Variants in NCOA2 observed in about 807,000 individuals in gnomAD.
NCOA2 encodes nuclear receptor coactivator 2, also known as class E basic helix-loop-helix protein 75.
Under a neutral mutation model 145.1 loss-of-function variants are expected in NCOA2, and 21 were observed. That is an observed-to-expected ratio of 0.14 (90% CI 0.10 to 0.21). NCOA2 has a LOEUF of 0.21. Among genes scored for constraint, NCOA2 ranks in the 10% least tolerant of loss-of-function variants. NCOA2 has a pLI of 1.00. For missense variants in NCOA2, 1,472 were observed against 1,837.6 expected (o/e 0.80, Z 3.64); for synonymous variants, 619 against 637.5 (o/e 0.97, Z 0.44).
intron 1 of NCOA2, among the ~76,000 whole-genome samples, chr8:70,316,651 T>C (rs6982928): frequency 0.027 from 4,053 of 152,132 alleles, 168 homozygotes; most frequent in African/African-American, 0.092. Context: ...AGGTAGGAGA[T>C]AGATCCCAAA....
chr8:70,166,905 G>A (rs1031198932), intron 6 of NCOA2, among the ~76,000 whole-genome samples, 151 bp from the exon 7 acceptor site: 2 of 152,026 alleles, frequency 1.3e-5, no homozygotes, highest in Non-Finnish European at 2.9e-5. Flanking sequence ...ATCTAGAGGA[G>A]GAAAAATCTT....
chr8:70,347,301 G>A (rs55794475), intron 1 of NCOA2, among the ~76,000 whole-genome samples: 4,007 of 151,752 alleles, frequency 0.026, 168 homozygotes, highest in African/African-American at 0.092. Flanking sequence ...CCGGGCCAAC[G>A]TGGTGAAACC....
At chr8:70,445,844 G>A in the NCOA2 span, among the ~76,000 whole-genome samples, 186 of 152,280 alleles carry the variant, frequency 1.2e-3, no homozygotes, top group Middle Eastern at 0.014. Context: ...TCCATGAATA[G>A]CGCAGAATAA....
At chr8:70,182,156 A>G (rs1005362145) in intron 4 of NCOA2, among the ~76,000 whole-genome samples, 1 of 152,208 alleles carries the variant, frequency 6.6e-6, no homozygotes, top group South Asian at 2.1e-4. Context: ...ACTATATATC[A>G]TCAAGCTGCT....
At chr8:70,238,151 C>T (rs1011335025) in intron 2 of NCOA2, among the ~76,000 whole-genome samples, 5 of 151,494 alleles carry the variant, frequency 3.3e-5, no homozygotes, top group East Asian at 3.9e-4. Flanking sequence ...CATGTGCACA[C>T]GCGCGCGCGC....
intron 1 of NCOA2, among the ~76,000 whole-genome samples, chr8:70,371,884 C>T (rs1301684112): frequency 6.6e-6 from 1 of 152,112 alleles, no homozygotes; most frequent in Non-Finnish European, 1.5e-5. Context: ...TTTAAAAGTG[C>T]ATTATTAGAT....
At position 70,189,227 on chromosome 8, in the gene NCOA2, C is replaced by T. The variant is rs73289205; in HGVS notation, c.260-14368G>A. 5.5e-3 allele frequency among the ~76,000 whole-genome samples: 842 copies of T among 152,274 alleles called. 6 individuals carry two copies. The highest frequency in any genetic ancestry group is 0.02 in the African/African-American group (819 of 41,562). On this transcript the variant is annotated intron_variant, in intron 4 of 22. Transcript: ENST00000452400. ...AGTGGCATTGCTAGGCTCTTAGGTG[C>T]CACTGAATTTACTGGATAGTGACGG... is the stretch of plus-strand genomic sequence containing the variant.
chr8:70,187,406 G>C (rs971754329), intron 4 of NCOA2, among the ~76,000 whole-genome samples: 3 of 152,144 alleles, frequency 2.0e-5, no homozygotes, highest in African/African-American at 7.2e-5. Context: ...GTAATTCCCT[G>C]AGATTTTATA....
intron 2 of NCOA2, among the ~76,000 whole-genome samples, chr8:70,265,323 A>G (rs918724447): frequency 1.3e-5 from 2 of 152,236 alleles, no homozygotes; most frequent in Admixed American, 1.3e-4. Flanking sequence ...ACTGGGATCC[A>G]TGCTGGCACC....
chr8:70,125,228 C>T (rs1808282623), intron 19 of NCOA2, among the ~76,000 whole-genome samples: 1 of 151,996 alleles, frequency 6.6e-6, no homozygotes, highest in African/African-American at 2.4e-5. Flanking sequence ...TATAAAATCT[C>T]AAAGTATCAC....
intron 1 of NCOA2, among the ~76,000 whole-genome samples, chr8:70,374,716 C>A (rs766739605): frequency 6.6e-6 from 1 of 150,846 alleles, no homozygotes; most frequent in African/African-American, 2.4e-5. Flanking sequence ...GTGGGAAGAT[C>A]GCTTGAGCAC....
At chr8:70,228,126 A>G (rs1207154413) in intron 2 of NCOA2, among the ~76,000 whole-genome samples, 1 of 152,138 alleles carries the variant, frequency 6.6e-6, no homozygotes. Context: ...TTTGAAAATT[A>G]CCTTGGCACC....
chr8:70,144,984 A>G, intron 12 of NCOA2, 136 bp from the exon 13 acceptor site: 1 of 721,012 alleles, frequency 1.4e-6, no homozygotes, highest in African/African-American at 1.8e-5. Context: ...ATAAAAGACA[A>G]AATCACAGAC....
intron 22 of NCOA2, among the ~76,000 whole-genome samples, chr8:70,116,459 G>C (rs533174162): frequency 4.6e-4 from 70 of 152,004 alleles, no homozygotes; most frequent in African/African-American, 1.6e-3. Context: ...GTGGAGGCAG[G>C]AGATTCGCTT....
intron 1 of NCOA2, among the ~76,000 whole-genome samples, chr8:70,309,394 G>A (rs1361283191): frequency 1.3e-5 from 2 of 150,588 alleles, no homozygotes; most frequent in Non-Finnish European, 3.0e-5. Flanking sequence ...AACATCTCGG[G>A]CAGACAAGCT....
intron 2 of NCOA2, among the ~76,000 whole-genome samples, chr8:70,251,862 C>A (rs995877164): frequency 1.3e-5 from 2 of 152,192 alleles, no homozygotes; most frequent in Non-Finnish European, 2.9e-5. Flanking sequence ...ACTTGGATAA[C>A]CATTGTCTCT....
At chr8:70,143,198 T>C (rs1303363165) in intron 13 of NCOA2, among the ~76,000 whole-genome samples, 2 of 152,198 alleles carry the variant, frequency 1.3e-5, no homozygotes, top group African/African-American at 4.8e-5. Flanking sequence ...TCCACCCGCC[T>C]TGGCCTCCCA....
Position 70,157,086 on chromosome 8 carries a change from T to C in NCOA2, c.1279A>G (p.Ile427Val), listed in dbSNP as rs201587372. The change falls in exon 11 of 23, where the codon ATA becomes GTA. Residue 427 changes from isoleucine to valine, a missense_variant. Physicochemically the swap from Ile to Val is conservative, Grantham distance 29. Around this residue, in one of 4 missense-constraint regions of NCOA2, gnomAD observed 953 missense variants for 1,062.1 expected, o/e 0.90. Transcript: ENST00000452400. ...MTLSSNINFP[I>V]NGPKEQMGMP... The stretch of plus-strand genomic sequence containing the variant: ...CCCATTTGTTCCTTTGGGCCATTTA[T>C]GGGAAAATTTATATTGCTACTGAGG... The C allele has an allele frequency of 4.7e-5, 76 of 1,614,006 alleles. No homozygotes were observed. The African/African-American group carries it at 8.9e-4, about 19-fold the overall frequency.
Position 70,342,777 on chromosome 8 carries a change from ACACACACACAC to A in NCOA2, c.-76-45988_-76-45978del, listed in dbSNP as rs1563785101. Among the ~76,000 whole-genome samples, 3 of 32,504 alleles carry A rather than the reference ACACACACACAC, an allele frequency of 9.2e-5. No individual in the cohort carries two copies. The East Asian group carries it at 2.2e-3, about 24-fold the overall frequency. 21.3% of individuals were successfully genotyped at this position (32,504 alleles called of 152,430 possible). A position where few individuals can be genotyped will look rare whatever the true frequency, so the allele number is the denominator to read the frequency against. ...CACACTTTTCTTCTTTTGCAATTAC[ACACACACACAC>A]ACACACACACACACACACACACACA... On this transcript the variant is annotated intron_variant, in intron 1 of 22. Transcript: ENST00000452400.
Sources: gnomAD v4.1 joint callset for allele counts (sites outside exome capture counted in the v4.1 genomes callset) on GRCh38, gnomAD v4.1.1 for gene constraint, gnomAD v4.1.1 regional missense constraint, MANE v1.5 for transcripts, NCBI Gene and HGNC (gene_info 2026-07-23, HGNC 2026-07-21) for gene names.